Variants in CSMD2 observed in about 807,000 individuals in gnomAD.
CSMD2 encodes the protein CUB and Sushi multiple domains 2.
A neutral mutation model predicts 398.5 loss-of-function variants in CSMD2; 130 were observed. That is an observed-to-expected ratio of 0.33 (90% CI 0.28 to 0.38). The LOEUF is 0.38. CSMD2 is among the 10% of genes least tolerant of loss of function. The pLI is 1.00. For synonymous variants in CSMD2, 1,828 were observed against 1,908.5 expected, an observed-to-expected ratio of 0.96 and a Z score of 1.10; for missense variants, 3,829 against 4,764.9, an observed-to-expected ratio of 0.80 and a Z score of 5.78.
intron 3 of CSMD2, among the ~76,000 whole-genome samples, chr1:34,021,021 G>GT (rs1369015343): frequency 1.3e-5 from 2 of 152,152 alleles, no homozygotes; most frequent in Non-Finnish European, 2.9e-5. Flanking sequence ...ACCTAATGCG[G>GT]TAAGTGCTTT....
intron 48 of CSMD2, among the ~76,000 whole-genome samples, chr1:33,580,329 ACT>A (rs1345270425): frequency 6.6e-6 from 1 of 151,898 alleles, no homozygotes; most frequent in Non-Finnish European, 1.5e-5. Flanking sequence ...TTTTGATCTG[ACT>A]CTGTTTATAA....
At chr1:33,792,140 G>A (rs995424584) in intron 11 of CSMD2, among the ~76,000 whole-genome samples, 5 of 152,116 alleles carry the variant, frequency 3.3e-5, no homozygotes, top group African/African-American at 1.2e-4. Context: ...GCCAGCCAGT[G>A]GAAGGCTCCA....
intron 2 of CSMD2, among the ~76,000 whole-genome samples, chr1:34,062,711 G>T (rs1467849725): frequency 6.6e-6 from 1 of 152,164 alleles, no homozygotes; most frequent in African/African-American, 2.4e-5. Flanking sequence ...TCTGCTGAAA[G>T]GCCTCCAGCC....
chr1:33,734,941 GAT>G (rs1297712397), intron 15 of CSMD2, among the ~76,000 whole-genome samples: 6 of 152,234 alleles, frequency 3.9e-5, no homozygotes, highest in Non-Finnish European at 7.4e-5. Flanking sequence ...TATCATAACT[GAT>G]ATGTTTGTCT....
intron 16 of CSMD2, 94 bp downstream of exon 16, chr1:33,726,453 G>T: frequency 7.2e-7 from 1 of 1,390,044 alleles, no homozygotes. Flanking sequence ...TTTCAGCGTT[G>T]GTACTGGTCC....
intron 29 of CSMD2, among the ~76,000 whole-genome samples, chr1:33,637,756 A>G (rs1459848736): frequency 1.3e-5 from 2 of 152,128 alleles, no homozygotes; most frequent in Admixed American, 1.3e-4. Flanking sequence ...AGGTCTAGAG[A>G]TGGGGACTCA....
intron 3 of CSMD2, among the ~76,000 whole-genome samples, chr1:33,940,326 G>A (rs1376613491): frequency 6.6e-6 from 1 of 152,084 alleles, no homozygotes; most frequent in East Asian, 1.9e-4. Context: ...TCCAAATGAG[G>A]TCATATTCAC....
At chr1:34,042,428 A>G (rs1294565161) in intron 2 of CSMD2, among the ~76,000 whole-genome samples, 2 of 152,196 alleles carry the variant, frequency 1.3e-5, no homozygotes, top group African/African-American at 2.4e-5. Flanking sequence ...ATAAAAGCCC[A>G]ATTTGCTATA....
At chr1:34,031,897 G>A (rs1650490751) in intron 3 of CSMD2, among the ~76,000 whole-genome samples, 1 of 151,292 alleles carries the variant, frequency 6.6e-6, no homozygotes, top group Non-Finnish European at 1.5e-5. Flanking sequence ...CAAAATAACA[G>A]TGCAGGTCTT....
intron 3 of CSMD2, among the ~76,000 whole-genome samples, chr1:34,016,244 C>T (rs903276832): frequency 3.9e-5 from 6 of 151,958 alleles, no homozygotes; most frequent in East Asian, 1.9e-4. Flanking sequence ...CCTATCAACC[C>T]GTCATCTAGG....
At chr1:33,719,554 G>C (rs577049998) in intron 19 of CSMD2, among the ~76,000 whole-genome samples, 2 of 152,298 alleles carry the variant, frequency 1.3e-5, no homozygotes, top group Admixed American at 1.3e-4. Flanking sequence ...TGATGTGACA[G>C]ATGCACACAC....
chr1:33,572,989 G>A (rs1012353604), intron 49 of CSMD2, among the ~76,000 whole-genome samples: 3 of 152,114 alleles, frequency 2.0e-5, no homozygotes, highest in African/African-American at 7.2e-5. Flanking sequence ...CAAACACAGT[G>A]TAGACACATT....
intron 64 of CSMD2, among the ~76,000 whole-genome samples, chr1:33,529,998 C>A (rs1276492048): frequency 6.6e-6 from 1 of 152,082 alleles, no homozygotes; most frequent in South Asian, 2.1e-4. Flanking sequence ...AAGACATACA[C>A]ATAAAAAAGT....
intron 32 of CSMD2, among the ~76,000 whole-genome samples, chr1:33,627,219 C>T (rs10914757): frequency 0.087 from 13,244 of 152,232 alleles, 1,136 homozygotes; most frequent in East Asian, 0.21. Flanking sequence ...CGGCCAATAA[C>T]ACACAAACTG....
rs747420883 is a variant in CSMD2 at position 33,602,495 on chromosome 1, C to T, written c.6584G>A (p.Gly2195Glu). The change falls in exon 43 of 71, where the codon GGG becomes GAG. Residue 2195 changes from glycine (G) to glutamate (E), a missense_variant. Physicochemically the swap from Gly to Glu is moderately conservative, Grantham distance 98 (BLOSUM62 -2). Coordinates refer to ENST00000373381, the MANE Select transcript of CSMD2 (RefSeq NM_001281956.2). Reference sequence around the variant, plus strand: ...GGAGCTGGAGTACGGGCTAGGGAACCCCGGGGAGTACACAGTGCCGTTGGA... The same window carrying T: ...GGAGCTGGAGTACGGGCTAGGGAACTCCGGGGAGTACACAGTGCCGTTGGA... The part of the protein sequence containing the change: ...TSSNGTVYSP[G>E]FPSPYSSSQD... The T allele has an allele frequency of 2.2e-5, 35 of 1,613,052 alleles. No individual in the cohort carries two copies. The East Asian group carries it at 7.4e-4, about 34-fold the overall frequency.
intron 4 of CSMD2, among the ~76,000 whole-genome samples, chr1:33,926,974 A>G (rs1644147604): frequency 6.6e-6 from 1 of 152,198 alleles, no homozygotes; most frequent in South Asian, 2.1e-4. Flanking sequence ...ACCATCTTGC[A>G]TGCCTAGAAG....
Position 33,559,405 on chromosome 1 carries a change from C to T in CSMD2, c.8449G>A (p.Asp2817Asn), listed in dbSNP as rs763974395. 15 of 1,536,024 alleles carry T rather than the reference C, an allele frequency of 9.8e-6. No individual in the cohort carries two copies. In the South Asian group the frequency reaches 1.5e-4, roughly 16 times the overall value. Residue 2817 changes from aspartate (D) to asparagine (N), a missense_variant, in exon 54 of 71, where the codon GAT becomes AAT. This residue lies in a region of CSMD2 where 917 missense variants were observed against 1,199.5 expected (regional missense o/e 0.76). Transcript: ENST00000373381. The surrounding 1 kb of genome is among the most constrained non-coding windows in gnomAD (Gnocchi z 4.0). ...LTQGNQFNLN[D>N]VVKFVCNPGY... The stretch of plus-strand genomic sequence containing the variant: ...GGGTTGCAAACAAACTTGACCACAT[C>T]GTTGAGGTTAAACTGGTTACCCTGA...
At chr1:33,564,496 A>T (rs555742262) in intron 53 of CSMD2, among the ~76,000 whole-genome samples, 1 of 152,216 alleles carries the variant, frequency 6.6e-6, no homozygotes, top group Non-Finnish European at 1.5e-5. Context: ...GGGCATCTGC[A>T]TGTTCTTCTG....
rs1646340150 is a variant in CSMD2, at chr1:33,985,805, C to T, written c.517+46789G>A. 2.6e-5 allele frequency among the ~76,000 whole-genome samples: 4 copies of T among 152,138 alleles called. No homozygotes were observed. The South Asian group carries it at 8.3e-4, about 32-fold the overall frequency. ...GTACAAACCTGTGCTCCCTTTCAAG[C>T]CTCCAGTCTATAGAGCGGAGGCCTG... On this transcript the variant is annotated intron_variant, in intron 3 of 70. Transcript: ENST00000373381.
Sources: allele counts gnomAD v4.1 joint callset (sites outside exome capture counted in the v4.1 genomes callset), GRCh38; gene constraint gnomAD v4.1.1; regional missense constraint gnomAD v4.1.1; non-coding constraint Gnocchi (gnomAD v3.1); transcripts MANE v1.5; gene names NCBI Gene and HGNC (gene_info 2026-07-23, HGNC 2026-07-21).